Variants in TEX9 observed in about 807,000 individuals in gnomAD.
The protein encoded by TEX9 is testis expressed 9, also known as testis-expressed protein 9.
Under a neutral mutation model 59.6 loss-of-function variants are expected in TEX9, and 74 were observed. That is an observed-to-expected ratio of 1.24 (90% CI 1.03 to 1.51). The LOEUF (loss-of-function observed/expected upper bound fraction) is 1.51, where lower values mean the gene tolerates loss of function less well. Ranked by LOEUF, TEX9 falls within the 40% of genes most tolerant of loss-of-function variation. The probability of loss-of-function intolerance (pLI) is 0.00; values close to 1 mark genes in which losing one functional copy is unlikely to be tolerated. For missense variants in TEX9, 522 were observed against 447.8 expected, an observed-to-expected ratio of 1.17 and a Z score of -1.49; for synonymous variants, 186 against 152.2, an observed-to-expected ratio of 1.22 and a Z score of -1.64.
intron 1 of TEX9, among the ~76,000 whole-genome samples, chr15:56,301,623 GGAGA>G (rs2045362089): frequency 6.6e-6 from 1 of 151,746 alleles, no homozygotes; most frequent in Admixed American, 6.6e-5. Context: ...TTATAGCCCA[GGAGA>G]GAGTGGAATG....
chr15:56,456,429 C>T, the TEX9 span: 1 of 1,611,288 alleles, frequency 6.2e-7, no homozygotes, highest in African/African-American at 1.3e-5. Context: ...TCTTTTCGTC[C>T]TTTAGACTTT....
intron 1 of TEX9, among the ~76,000 whole-genome samples, chr15:56,353,869 C>A (rs1187439034): frequency 1.3e-5 from 2 of 152,202 alleles, no homozygotes; most frequent in Non-Finnish European, 2.9e-5. Flanking sequence ...TTGTACTTTA[C>A]TATAAATGTC....
chr15:56,320,393 G>C (rs1310067386), intron 1 of TEX9, among the ~76,000 whole-genome samples: 4 of 152,182 alleles, frequency 2.6e-5, no homozygotes, highest in African/African-American at 9.7e-5. Context: ...AGTCAATTTA[G>C]TTTCTGGTAA....
At chr15:56,403,681 C>G (rs551548989) in intron 9 of TEX9, among the ~76,000 whole-genome samples, 169 of 152,322 alleles carry the variant, frequency 1.1e-3, no homozygotes, top group African/African-American at 3.8e-3. Context: ...CAAGACAATC[C>G]TAAGCCAAAA....
At chr15:56,346,418 C>A (rs114837294) in intron 1 of TEX9, among the ~76,000 whole-genome samples, 2 of 152,090 alleles carry the variant, frequency 1.3e-5, no homozygotes, top group South Asian at 4.2e-4. Flanking sequence ...TTTCCTGGAT[C>A]CCAGGATGGC....
chr15:56,378,083 C>T (rs542494950), intron 3 of TEX9, among the ~76,000 whole-genome samples: 112 of 152,156 alleles, frequency 7.4e-4, no homozygotes, highest in African/African-American at 2.7e-3. Flanking sequence ...ATGGTCATGA[C>T]AAATGGTCTT....
intron 1 of TEX9, among the ~76,000 whole-genome samples, chr15:56,333,263 TCAA>T (rs1465992517): frequency 6.6e-6 from 1 of 152,040 alleles, no homozygotes; most frequent in Non-Finnish European, 1.5e-5. Context: ...GCAAAAATCC[TCAA>T]CAAAACACTA....
At chr15:56,298,226 A>G (rs1344749353) in intron 1 of TEX9, among the ~76,000 whole-genome samples, 1 of 152,246 alleles carries the variant, frequency 6.6e-6, no homozygotes, top group Non-Finnish European at 1.5e-5. Context: ...TCTATCAACA[A>G]AAGTTTCTTG....
chr15:56,304,148 G>T (rs1267051500), intron 1 of TEX9, among the ~76,000 whole-genome samples: 1 of 152,180 alleles, frequency 6.6e-6, no homozygotes, highest in Non-Finnish European at 1.5e-5. Flanking sequence ...ATTCTACGAG[G>T]CCAGTATTAC....
At chr15:56,317,088 G>C (rs551540827) in intron 1 of TEX9, among the ~76,000 whole-genome samples, 45 of 151,966 alleles carry the variant, frequency 3.0e-4, no homozygotes, top group African/African-American at 1.1e-3. Flanking sequence ...ACCTCAGATG[G>C]AAATGCGGAA....
intron 3 of TEX9, among the ~76,000 whole-genome samples, chr15:56,383,267 G>A (rs960310512): frequency 1.4e-4 from 21 of 152,236 alleles, no homozygotes; most frequent in African/African-American, 4.8e-4. Context: ...CACTGCAGGA[G>A]TGAGTCAGGA....
intron 1 of TEX9, among the ~76,000 whole-genome samples, chr15:56,311,298 C>G (rs1429380244): frequency 1.7e-5 from 2 of 115,502 alleles, no homozygotes; most frequent in Non-Finnish European, 3.5e-5. Flanking sequence ...CCCCCCTCCC[C>G]CCACCCCACA....
At chr15:56,375,293 T>G (rs1455947532) in intron 3 of TEX9, among the ~76,000 whole-genome samples, 19 of 152,228 alleles carry the variant, frequency 1.2e-4, no homozygotes, top group African/African-American at 4.6e-4. Flanking sequence ...TCATGTGTTT[T>G]TTGGCCGCAT....
intron 1 of TEX9, chr15:56,323,568 G>T: frequency 5.8e-6 from 1 of 172,060 alleles, no homozygotes. Context: ...GGATATTGCT[G>T]CATACCAAGC....
intron 1 of TEX9, among the ~76,000 whole-genome samples, chr15:56,313,717 AG>A (rs1361864613): frequency 7.0e-6 from 1 of 142,738 alleles, no homozygotes; most frequent in African/African-American, 2.5e-5. Context: ...TAGTTTTAGA[AG>A]GAATGGTACC....
intron 10 of TEX9, among the ~76,000 whole-genome samples, chr15:56,423,900 A>C (rs2140251315): frequency 6.6e-6 from 1 of 152,250 alleles, no homozygotes; most frequent in African/African-American, 2.4e-5. Flanking sequence ...CCCAATGTGT[A>C]GTCTTTTATC....
chr15:56,426,589 GTATA>G lies in TEX9; in HGVS notation c.964-981_964-978del, dbSNP rs71110391. ...TTTTTTTTTTTTTTTTTGAAAAGGT[GTATA>G]TATATATATATATATATATATATAT... On this transcript the variant is annotated intron_variant, in intron 10 of 12. Coordinates refer to ENST00000352903, the Ensembl canonical transcript of TEX9. Among the ~76,000 whole-genome samples the G allele has an allele frequency of 6.6e-3, 160 of 24,302 alleles. 2 individuals carry two copies. The highest frequency in any genetic ancestry group is 0.01 in the Admixed American group (9 of 890). 15.9% of individuals were successfully genotyped at this position (24,302 alleles called of 152,430 possible). A position where few individuals can be genotyped will look rare whatever the true frequency, so the allele number is the denominator to read the frequency against.
In TEX9 at chr15:56,377,394, A is replaced by C. The variant is rs2047509983; in HGVS notation, c.183+3890A>C. On this transcript the variant is annotated intron_variant, in intron 3 of 12. Coordinates refer to ENST00000352903, the Ensembl canonical transcript of TEX9. ...ATTTTTCTAATCCATGAACTGGAAT[A>C]TCTTTCCATTTTTTTGTGTCCTCTT... Among the ~76,000 whole-genome samples, 3 of 152,098 alleles carry C rather than the reference A, an allele frequency of 2.0e-5. No individual in the cohort carries two copies. The South Asian group carries it at 6.2e-4, about 32-fold the overall frequency.
intron 1 of TEX9, among the ~76,000 whole-genome samples, chr15:56,359,981 T>G (rs545279224): frequency 6.6e-6 from 1 of 152,328 alleles, no homozygotes; most frequent in East Asian, 1.9e-4. Flanking sequence ...GCTGCATGAA[T>G]TTATATGATC....
Sources: gnomAD v4.1 joint callset for allele counts (sites outside exome capture counted in the v4.1 genomes callset) on GRCh38, gnomAD v4.1.1 for gene constraint, MANE v1.5 for transcripts, NCBI Gene and HGNC (gene_info 2026-07-23, HGNC 2026-07-21) for gene names.